The following ZSCAN20 variants were observed in gnomAD, a reference collection of about 807,000 sequenced individuals.
ZSCAN20 encodes zinc finger and SCAN domain containing 20, also known as zinc finger and SCAN domain-containing protein 20.
Under a neutral mutation model 97.1 loss-of-function variants are expected in ZSCAN20, and 39 were observed. That is an observed-to-expected ratio of 0.40 (90% confidence interval 0.31 to 0.52). The LOEUF is 0.52. Ranked by LOEUF, ZSCAN20 falls within the 20% of genes least tolerant of loss-of-function variation. The pLI, the probability that ZSCAN20 is intolerant of heterozygous loss-of-function variation, is 0.49. For synonymous variants in ZSCAN20, 456 were observed against 467.3 expected, an observed-to-expected ratio of 0.98 and a Z score of 0.31; for missense variants, 1,115 against 1,290.4, an observed-to-expected ratio of 0.86 and a Z score of 2.08.
rs866828902 is a variant in ZSCAN20, at chr1:33,489,813, G to T, written c.766+211G>T. On this transcript the variant is annotated intron_variant, in intron 5 of 7. Coordinates refer to ENST00000684572, the MANE Select transcript of ZSCAN20 (RefSeq NM_001377376.1). ...GTGGCAGGATGGCTTCCAAGAGCCT[G>T]CCCTCTCTGGGCACATTACCTTCCT... 5.3e-5 allele frequency among the ~76,000 whole-genome samples: 8 copies of T among 152,184 alleles called. No individual in the cohort carries two copies. In the South Asian group the frequency reaches 6.2e-4, roughly 12 times the overall value.
chr1:33,493,509 G>A lies in ZSCAN20; in HGVS notation c.1767G>A (p.Arg589=), dbSNP rs377448219. ...GTVREAAGLP[R]CGQSSAETDA... The stretch of plus-strand genomic sequence containing the variant: ...TCCGAGAGGCTGCAGGTCTCCCTAG[G>A]TGTGGGCAGAGTAGTGCTGAGACTG... Residue 589 remains arginine (R), a synonymous_variant, in exon 7 of 8, where the codon AGG becomes AGA. Coordinates refer to ENST00000684572, the MANE Select transcript of ZSCAN20 (RefSeq NM_001377376.1). The surrounding 1 kb of genome is among the most constrained non-coding windows in gnomAD (Gnocchi z 4.3). 2.7e-5 allele frequency: 44 copies of A among 1,614,034 alleles called. No homozygotes were observed. Among genetic ancestry groups the A allele is most frequent in the African/African-American group, 2.4e-4 (18 of 74,926 alleles).
At chr1:33,488,774 G>A (rs958073404) in intron 3 of ZSCAN20, 123 bp downstream of exon 3, 31 of 1,077,886 alleles carry the variant, frequency 2.9e-5, no homozygotes, top group Non-Finnish European at 3.8e-5. Context: ...GCTGCAGTGT[G>A]GTGGGCACAC....
At chr1:33,482,448 CCA>C (rs1652191468) in intron 2 of ZSCAN20, among the ~76,000 whole-genome samples, 1 of 152,136 alleles carries the variant, frequency 6.6e-6, no homozygotes, top group Non-Finnish European at 1.5e-5. Flanking sequence ...TGTGGATGTA[CCA>C]CAGTTTATTT....
Position 33,501,596 on chromosome 1 carries a change from G to A in ZSCAN20, c.*6120G>A, listed in dbSNP as rs1454628988. Among the ~76,000 whole-genome samples, 1 of 145,174 alleles carries A rather than the reference G, an allele frequency of 6.9e-6. No homozygotes were observed. The highest frequency in any genetic ancestry group is 2.0e-4 in the East Asian group (1 of 5,046). On this transcript the variant is annotated 3_prime_UTR_variant, in exon 8 of 8. Transcript: ENST00000684572. The stretch of plus-strand genomic sequence containing the variant: ...TAAAGCTGGTCAAATCATATTTTGG[G>A]ATGGAATGGCCTGATAAGTTAATAA...
chr1:33,489,420 C>T (rs1268400811), intron 4 of ZSCAN20, 98 bp from the exon 5 acceptor site: 1 of 1,223,490 alleles, frequency 8.2e-7, no homozygotes, highest in Non-Finnish European at 1.2e-6. Context: ...ACATGGTATC[C>T]CTCTGTTCCC....
In ZSCAN20 at chr1:33,501,536, ATT is replaced by A. The variant is rs34549868; in HGVS notation, c.*6073_*6074del. Among the ~76,000 whole-genome samples the A allele has an allele frequency of 7.3e-6, 1 of 136,746 alleles. No individual in the cohort carries two copies. 89.7% of individuals were successfully genotyped at this position (136,746 alleles called of 152,430 possible). A position where few individuals can be genotyped will look rare whatever the true frequency, so the allele number is the denominator to read the frequency against. On this transcript the variant is annotated 3_prime_UTR_variant, in exon 8 of 8. Transcript: ENST00000684572. ...TGCTTTCACTTCCCCATTTTCTGTT[ATT>A]TTTTTTTTTTTTGTGCTGTTATGTA...
rs1347304738 is a variant in ZSCAN20 at position 33,497,827 on chromosome 1, A to G, written c.*2351A>G. ...CATGTCCTCATTCAGAATTGGGAGC[A>G]CAAGGAGGAGAGGCTGATAGAGCAG... On this transcript the variant is annotated 3_prime_UTR_variant, in exon 8 of 8. Coordinates refer to ENST00000684572, the MANE Select transcript of ZSCAN20 (RefSeq NM_001377376.1). Among the ~76,000 whole-genome samples, 2 of 152,144 alleles carry G rather than the reference A, an allele frequency of 1.3e-5. No individual in the cohort carries two copies. The highest frequency in any genetic ancestry group is 4.8e-5 in the African/African-American group (2 of 41,434).
At chr1:33,478,524 G>A (rs1284218092) in intron 1 of ZSCAN20, among the ~76,000 whole-genome samples, 2 of 152,062 alleles carry the variant, frequency 1.3e-5, no homozygotes, top group African/African-American at 4.8e-5. Flanking sequence ...AAGTAGAAGT[G>A]TCATGAAGGG....
chr1:33,476,160 G>A (rs150438227), intron 1 of ZSCAN20, among the ~76,000 whole-genome samples: 7 of 152,256 alleles, frequency 4.6e-5, no homozygotes, highest in African/African-American at 1.4e-4. Context: ...AATGAGGCTC[G>A]ATATTCCTGG....
intron 5 of ZSCAN20, among the ~76,000 whole-genome samples, chr1:33,489,868 GC>G (rs1175132131): frequency 6.6e-6 from 1 of 152,088 alleles, no homozygotes; most frequent in East Asian, 1.9e-4. Flanking sequence ...CAGTCCAGGG[GC>G]CAGGCCTGGA....
Position 33,479,719 on chromosome 1 carries a change from T to C in ZSCAN20, c.417+14T>C. 6.7e-7 allele frequency: 1 copy of C among 1,495,510 alleles called. No homozygotes were observed. Among genetic ancestry groups the C allele is most frequent in the Non-Finnish European group, 8.9e-7 (1 of 1,122,014 alleles). 92.6% of individuals were successfully genotyped at this position (1,495,510 alleles called of 1,614,324 possible). Reference sequence around the variant, plus strand: ...GCAGGACAGTCGGTGAGACAAACAGTCTTCTCCTGCAGAGGAGTGGGTCAG... The same window carrying C: ...GCAGGACAGTCGGTGAGACAAACAGCCTTCTCCTGCAGAGGAGTGGGTCAG... On this transcript the variant is annotated intron_variant, in intron 2 of 7. Coordinates refer to ENST00000684572, the MANE Select transcript of ZSCAN20 (RefSeq NM_001377376.1).
In ZSCAN20 at chr1:33,493,319, C is replaced by T; in HGVS notation, c.1577C>T (p.Ala526Val). ...CGGGCCATTGCAGAGCGGCTGTGTG[C>T]TCTGGGCTTCCTGCGGACACTGGAG... ...VYRAIAERLC[A>V]LGFLRTLEQC... Residue 526 changes from alanine (A) to valine (V), a missense_variant, in exon 7 of 8, where the codon GCT becomes GTT. This residue lies in a region of ZSCAN20 where 53 missense variants were observed against 94.3 expected (regional missense o/e 0.56). Transcript: ENST00000684572. This position sits in a 1 kb window ranked among gnomAD's most constrained non-coding sequence, Gnocchi z 4.3. 1 of 1,614,234 alleles carries T rather than the reference C, an allele frequency of 6.2e-7. No individual in the cohort carries two copies. Among genetic ancestry groups the T allele is most frequent in the South Asian group, 1.1e-5 (1 of 91,078 alleles).
intron 1 of ZSCAN20, among the ~76,000 whole-genome samples, chr1:33,477,018 G>A (rs193056149): frequency 6.6e-6 from 1 of 152,330 alleles, no homozygotes; most frequent in East Asian, 1.9e-4. Flanking sequence ...TAGTAATATA[G>A]TATAATGTGG....
chr1:33,488,567 C>A lies in ZSCAN20; in HGVS notation c.520C>A (p.Gln174Lys), dbSNP rs199800000. The change falls in exon 3 of 8, where the codon CAG (glutamine) becomes AAG (lysine). Residue 174 changes from glutamine to lysine, a missense_variant. Physicochemically the swap from Gln to Lys is moderately conservative, Grantham distance 53 (BLOSUM62 1). Transcript: ENST00000684572. ...GGATCCCTGGCCTGAGGGACAGTCC[C>A]AGAAGAAGGGGGTGAAGAATACATG... Reference protein sequence around the residue: ...PVDPWPEGQSQKKGVKNTCPD... With the variant: ...PVDPWPEGQSKKKGVKNTCPD... 1.8e-4 allele frequency: 283 copies of A among 1,613,386 alleles called. No individual in the cohort carries two copies. Among genetic ancestry groups the A allele is most frequent in the Non-Finnish European group, 2.3e-4 (266 of 1,179,848 alleles).
rs1328679002 is a variant in ZSCAN20, at chr1:33,499,544, GTGCAT to G, written c.*4071_*4075del. Reference sequence around the variant, plus strand: ...GGCTCTTGGCCTGCCCATTCAGCACGTGCATTGATGTACACACTCAGTGACTCCCA... The same window carrying G: ...GGCTCTTGGCCTGCCCATTCAGCACGTGATGTACACACTCAGTGACTCCCA... On this transcript the variant is annotated 3_prime_UTR_variant, in exon 8 of 8. Coordinates refer to ENST00000684572, the MANE Select transcript of ZSCAN20 (RefSeq NM_001377376.1). 6.6e-6 allele frequency among the ~76,000 whole-genome samples: 1 copy of G among 152,000 alleles called. No individual in the cohort carries two copies. The highest frequency in any genetic ancestry group is 1.5e-5 in the Non-Finnish European group (1 of 67,996).
Position 33,491,632 on chromosome 1 carries a change from C to T in ZSCAN20, c.1374C>T (p.Gly458=). The T allele has an allele frequency of 1.2e-6, 2 of 1,614,086 alleles. No homozygotes were observed. The highest frequency in any genetic ancestry group is 1.7e-6 in the Non-Finnish European group (2 of 1,179,980). ...EEMAEDCNGA[G]LVNVESTQGP... is the part of the protein sequence containing the mutation. ...TGGCAGAAGACTGTAACGGTGCTGG[C>T]CTGGTCAATGTTGAGTCTACCCAGG... Residue 458 remains glycine, a synonymous_variant, in exon 6 of 8, where the codon GGC becomes GGT. Transcript: ENST00000684572. The surrounding 1 kb of genome is among the most constrained non-coding windows in gnomAD (Gnocchi z 4.3).
At chr1:33,484,154 G>A (rs1652264225) in intron 2 of ZSCAN20, among the ~76,000 whole-genome samples, 1 of 152,170 alleles carries the variant, frequency 6.6e-6, no homozygotes, top group Non-Finnish European at 1.5e-5. Flanking sequence ...TGTGAACAAA[G>A]AGTCTTTTTC....
intron 2 of ZSCAN20, among the ~76,000 whole-genome samples, chr1:33,480,795 A>G (rs917614222): frequency 3.9e-5 from 6 of 152,236 alleles, no homozygotes; most frequent in Non-Finnish European, 7.3e-5. Context: ...AGCCCATGAT[A>G]TAATGCATAA....
intron 2 of ZSCAN20, among the ~76,000 whole-genome samples, chr1:33,483,175 G>A (rs541084058): frequency 1.3e-5 from 2 of 151,076 alleles, no homozygotes; most frequent in East Asian, 3.9e-4. Context: ...TATATTTTAG[G>A]AATTTTATAG....
Sources: allele counts gnomAD v4.1 joint callset (sites outside exome capture counted in the v4.1 genomes callset), GRCh38; gene constraint gnomAD v4.1.1; regional missense constraint gnomAD v4.1.1; non-coding constraint Gnocchi (gnomAD v3.1); transcripts MANE v1.5; gene names NCBI Gene and HGNC (gene_info 2026-07-23, HGNC 2026-07-21).